Variants in PARP4 observed in about 807,000 individuals in gnomAD.
The protein encoded by PARP4 is poly(ADP-ribose) polymerase family member 4, also known as protein mono-ADP-ribosyltransferase PARP4.
PARP4 carries 120 observed loss-of-function variants against 187.7 expected under a neutral mutation model. The observed-to-expected ratio is 0.64, with a 90% CI of 0.55 to 0.74. The LOEUF is 0.74. PARP4 is among the 30% of genes least tolerant of loss of function. The pLI is 0.00. For missense variants in PARP4, 1,836 were observed against 2,070.5 expected (o/e 0.89, Z 2.20); for synonymous variants, 654 against 740.9 (o/e 0.88, Z 1.90).
chr13:24,481,133 C>T (rs1593634547), intron 12 of PARP4, among the ~76,000 whole-genome samples: 1 of 152,232 alleles, frequency 6.6e-6, no homozygotes, highest in African/African-American at 2.4e-5. Flanking sequence ...TCTTTCTGTG[C>T]TCTACAAATG....
At chr13:24,500,722 C>T (rs781779847) in intron 3 of PARP4, among the ~76,000 whole-genome samples, 4 of 152,234 alleles carry the variant, frequency 2.6e-5, no homozygotes, top group Non-Finnish European at 2.9e-5. Flanking sequence ...ACATCACGAG[C>T]GAAGGAGCTG....
In PARP4 at chr13:24,498,218, C is replaced by T. The variant is rs1869067983; in HGVS notation, c.489G>A (p.Glu163=). 1.2e-6 allele frequency: 2 copies of T among 1,612,202 alleles called. No homozygotes were observed. The highest frequency in any genetic ancestry group is 1.3e-5 in the African/African-American group (1 of 75,028). The change falls in exon 6 of 34, where the codon GAG becomes GAA. Residue 163 remains glutamate (E), a synonymous_variant. Coordinates refer to ENST00000381989, the MANE Select transcript of PARP4 (RefSeq NM_006437.4). ...CCACCACCACAGCTTCCTGGCCTCC[C>T]TCCATTCCCACCTGGAAAACAGGAT... ...KYNTLEKVGM[E]GGQEAVVVEL... is the part of the protein sequence containing the mutation.
intron 1 of PARP4, among the ~76,000 whole-genome samples, chr13:24,510,134 C>CT (rs1396097184): frequency 6.6e-6 from 1 of 152,164 alleles, no homozygotes; most frequent in Non-Finnish European, 1.5e-5. Context: ...ACTTTCACAG[C>CT]TTATTTAGCT....
At chr13:24,428,092 G>A (rs185098699) in intron 32 of PARP4, among the ~76,000 whole-genome samples, 13 of 152,296 alleles carry the variant, frequency 8.5e-5, no homozygotes, top group Non-Finnish European at 1.5e-5. Context: ...AAAAAAGACA[G>A]CTTGAGACTC....
chr13:24,460,294 G>A (rs915804976), intron 17 of PARP4, among the ~76,000 whole-genome samples, 158 bp from the exon 18 acceptor site: 11 of 152,240 alleles, frequency 7.2e-5, no homozygotes, highest in Admixed American at 1.3e-4. Context: ...TGGGGCTAAC[G>A]GAGAATCCTG....
intron 2 of PARP4, among the ~76,000 whole-genome samples, chr13:24,503,003 G>A (rs1322795055): frequency 1.3e-5 from 2 of 152,216 alleles, no homozygotes; most frequent in African/African-American, 4.8e-5. Context: ...GGGCAGGCCA[G>A]CCTGGCACCT....
intron 17 of PARP4, among the ~76,000 whole-genome samples, chr13:24,468,080 C>T (rs1485875264): frequency 6.6e-6 from 1 of 152,170 alleles, no homozygotes; most frequent in African/African-American, 2.4e-5. Context: ...CATGTGTCAC[C>T]CTCAGAGGCG....
chr13:24,465,718 A>G (rs1023614735), intron 17 of PARP4, among the ~76,000 whole-genome samples: 4 of 152,138 alleles, frequency 2.6e-5, no homozygotes, highest in African/African-American at 9.7e-5. Context: ...CCACCATGGC[A>G]CACATTTGCC....
chr13:24,460,464 GC>G (rs879611854), intron 17 of PARP4, among the ~76,000 whole-genome samples: 16,921 of 128,772 alleles, frequency 0.13, 1,252 homozygotes, highest in African/African-American at 0.22. Context: ...GCACGGGTGG[GC>G]TCTGCTGCAC....
chr13:24,500,511 G>A (rs1271926494), intron 3 of PARP4, 129 bp from the exon 4 acceptor site: 8 of 468,824 alleles, frequency 1.7e-5, no homozygotes, highest in South Asian at 3.7e-5. Flanking sequence ...GGTGATCAAA[G>A]GATAACCCAG....
At chr13:24,472,073 C>T (rs1872749250) in intron 15 of PARP4, among the ~76,000 whole-genome samples, 1 of 152,200 alleles carries the variant, frequency 6.6e-6, no homozygotes, top group Admixed American at 6.5e-5. Context: ...AATCTGGACG[C>T]TGGAATCAGA....
At chr13:24,449,266 T>C (rs1434649104) in intron 25 of PARP4, among the ~76,000 whole-genome samples, 6 of 151,522 alleles carry the variant, frequency 4.0e-5, no homozygotes, top group Non-Finnish European at 7.4e-5. Context: ...CTGGTGCCTG[T>C]AGTACCAGCT....
At chr13:24,425,980 A>T (rs1649241562) in intron 33 of PARP4, among the ~76,000 whole-genome samples, 1 of 152,202 alleles carries the variant, frequency 6.6e-6, no homozygotes, top group Non-Finnish European at 1.5e-5. Flanking sequence ...ATGAAGTTGT[A>T]TTTGCCAAGG....
In PARP4 at chr13:24,434,658, G is replaced by A; in HGVS notation, c.4483C>T (p.Pro1495Ser). The change falls in exon 31 of 34, where the codon CCA becomes TCA. Residue 1495 changes from proline (P) to serine (S), a missense_variant. By Grantham distance (74) the Pro-to-Ser change is moderately conservative. Around this residue, in one of 8 missense-constraint regions of PARP4, gnomAD observed 450 missense variants for 439.2 expected, o/e 1.02. Coordinates refer to ENST00000381989, the MANE Select transcript of PARP4 (RefSeq NM_006437.4). The stretch of plus-strand genomic sequence containing the variant: ...TCTTCTAGAAGACAGAGATCTACTG[G>A]GGTAGTCCGGGACTGACTGCAAAGA... ...EALCSQSRTT[P>S]VDLCLLEESV... The A allele has an allele frequency of 6.2e-7, 1 of 1,613,916 alleles. No homozygotes were observed. Among genetic ancestry groups the A allele is most frequent in the Non-Finnish European group, 8.5e-7 (1 of 1,179,920 alleles).
intron 25 of PARP4, among the ~76,000 whole-genome samples, chr13:24,448,734 T>A (rs1331849967): frequency 6.6e-6 from 1 of 152,110 alleles, no homozygotes; most frequent in Non-Finnish European, 1.5e-5. Context: ...CACCGATAGA[T>A]GAATGGATAA....
intron 28 of PARP4, among the ~76,000 whole-genome samples, chr13:24,442,979 G>C (rs1009113847): frequency 3.0e-4 from 46 of 151,906 alleles, no homozygotes; most frequent in African/African-American, 1.1e-3. Context: ...GGAATGACTT[G>C]TTCAGGATAA....
intron 17 of PARP4, among the ~76,000 whole-genome samples, chr13:24,467,120 C>G (rs1806034071): frequency 6.6e-6 from 1 of 152,186 alleles, no homozygotes; most frequent in South Asian, 2.1e-4. Context: ...AGAAAACCAT[C>G]AAATGGTCAC....
intron 2 of PARP4, among the ~76,000 whole-genome samples, chr13:24,502,381 T>C (rs1004521915): frequency 6.6e-6 from 1 of 152,184 alleles, no homozygotes; most frequent in Non-Finnish European, 1.5e-5. Context: ...TTGTAGAATA[T>C]CTAAAAAATA....
intron 33 of PARP4, among the ~76,000 whole-genome samples, chr13:24,425,286 G>A (rs982320046): frequency 1.3e-5 from 2 of 152,114 alleles, no homozygotes; most frequent in Non-Finnish European, 2.9e-5. Context: ...GGGCGATAGA[G>A]CCAGACTTTG....
Sources: gnomAD v4.1 joint callset for allele counts (sites outside exome capture counted in the v4.1 genomes callset) on GRCh38, gnomAD v4.1.1 for gene constraint, gnomAD v4.1.1 regional missense constraint, MANE v1.5 for transcripts, NCBI Gene and HGNC (gene_info 2026-07-23, HGNC 2026-07-21) for gene names.